Variants in SPATS2 observed in about 807,000 individuals in gnomAD.
The protein encoded by SPATS2 is spermatogenesis-associated serine-rich protein 2.
SPATS2 carries 38 observed loss-of-function variants against 63.7 expected under a neutral mutation model. That is an observed-to-expected ratio of 0.60 (90% CI 0.46 to 0.78). The LOEUF (loss-of-function observed/expected upper bound fraction) is 0.78. Among genes scored for constraint, SPATS2 ranks in the 30% least tolerant of loss-of-function variants. The pLI, the probability that SPATS2 is intolerant of heterozygous loss-of-function variation, is 0.00. For synonymous variants in SPATS2, 207 were observed against 232.9 expected, an observed-to-expected ratio of 0.89 and a Z score of 1.01; for missense variants, 588 against 666.2, an observed-to-expected ratio of 0.88 and a Z score of 1.29.
chr12:49,446,398 A>T (rs1157902780), intron 2 of SPATS2, among the ~76,000 whole-genome samples: 2 of 152,180 alleles, frequency 1.3e-5, no homozygotes, highest in Non-Finnish European at 2.9e-5. Flanking sequence ...CAAGGTTGAA[A>T]CCAAGGCAAG....
chr12:49,476,374 C>A (rs543369979), intron 3 of SPATS2, among the ~76,000 whole-genome samples: 1 of 152,126 alleles, frequency 6.6e-6, no homozygotes, highest in Non-Finnish European at 1.5e-5. Flanking sequence ...CCCCATCTGC[C>A]GAGAGCTACT....
chr12:49,501,799 A>G (rs184229521), intron 9 of SPATS2, among the ~76,000 whole-genome samples: 99 of 152,076 alleles, frequency 6.5e-4, no homozygotes, highest in Non-Finnish European at 1.2e-3. Flanking sequence ...GTGTGTTTTT[A>G]GTAGAGATGG....
At chr12:49,404,039 G>C (rs1944653395) in intron 2 of SPATS2, among the ~76,000 whole-genome samples, 1 of 152,190 alleles carries the variant, frequency 6.6e-6, no homozygotes, top group South Asian at 2.1e-4. Flanking sequence ...ACTAGCACCT[G>C]CTGTGTGCCA....
At chr12:49,407,884 G>T (rs144822566) in intron 2 of SPATS2, among the ~76,000 whole-genome samples, 174 of 152,252 alleles carry the variant, frequency 1.1e-3, no homozygotes, top group African/African-American at 4.0e-3. Context: ...CTTTTGCACC[G>T]CCAACAGCAG....
chr12:49,476,677 C>A (rs1349338829), intron 3 of SPATS2, among the ~76,000 whole-genome samples: 1 of 152,226 alleles, frequency 6.6e-6, no homozygotes, highest in African/African-American at 2.4e-5. Flanking sequence ...GCCACACCCC[C>A]ACTGCATGCC....
intron 2 of SPATS2, among the ~76,000 whole-genome samples, chr12:49,436,756 G>A (rs1462509175): frequency 3.5e-5 from 5 of 142,578 alleles, no homozygotes; most frequent in African/African-American, 5.2e-5. Flanking sequence ...CATCCTTCCC[G>A]GACAGGGCGG....
Position 49,497,029 on chromosome 12 carries a change from G to A in SPATS2, c.703+20G>A. On this transcript the variant is annotated intron_variant, in intron 8 of 13. Coordinates refer to ENST00000552918, the MANE Select transcript of SPATS2 (RefSeq NM_023071.4). ...AGCTAAGTAAGTCAGAGGCCCACCTGTGAGAGAAAATGAAAAATCTGTGTT... is the reference window on the plus strand; with the variant it reads ...AGCTAAGTAAGTCAGAGGCCCACCTATGAGAGAAAATGAAAAATCTGTGTT... 1 of 1,502,042 alleles carries A rather than the reference G, an allele frequency of 6.7e-7. No individual in the cohort carries two copies. The highest frequency in any genetic ancestry group is 8.9e-7 in the Non-Finnish European group (1 of 1,128,222). 93.0% of individuals were successfully genotyped at this position (1,502,042 alleles called of 1,614,324 possible).
At chr12:49,428,127 C>T (rs1325583611) in intron 2 of SPATS2, among the ~76,000 whole-genome samples, 3 of 152,032 alleles carry the variant, frequency 2.0e-5, no homozygotes, top group Admixed American at 6.6e-5. Context: ...CCATGGCAGG[C>T]GCCTGTAGTC....
chr12:49,518,905 AG>A (rs1400957904), intron 10 of SPATS2, among the ~76,000 whole-genome samples, 167 bp from the exon 11 acceptor site: 4 of 152,246 alleles, frequency 2.6e-5, no homozygotes, highest in Non-Finnish European at 4.4e-5. Flanking sequence ...AACTGCCTTC[AG>A]AGACCCAATG....
At chr12:49,391,664 CATG>C (rs1172809519) in intron 2 of SPATS2, among the ~76,000 whole-genome samples, 21 of 152,088 alleles carry the variant, frequency 1.4e-4, no homozygotes, top group African/African-American at 5.1e-4. Context: ...GAGTGTCAAA[CATG>C]ATGAAATATA....
intron 2 of SPATS2, chr12:49,390,067 C>T: frequency 3.5e-6 from 4 of 1,156,934 alleles, no homozygotes; most frequent in Admixed American, 3.4e-5. Flanking sequence ...ATAAATAACT[C>T]GAGAATCACT....
chr12:49,502,539 C>T (rs968475423), intron 9 of SPATS2, among the ~76,000 whole-genome samples: 1 of 152,172 alleles, frequency 6.6e-6, no homozygotes, highest in East Asian at 1.9e-4. Flanking sequence ...CAACCTCCAC[C>T]TCCTGGGCTC....
chr12:49,367,233 C>A, upstream of SPATS2: 1 of 247,604 alleles, frequency 4.0e-6, no homozygotes, highest in Non-Finnish European at 7.7e-6. Context: ...GAGCTTGGCG[C>A]GCCGGATTCG....
intron 11 of SPATS2, among the ~76,000 whole-genome samples, chr12:49,519,535 A>T (rs1338918135): frequency 6.6e-6 from 1 of 152,164 alleles, no homozygotes; most frequent in Non-Finnish European, 1.5e-5. Flanking sequence ...GGTTCTGTTC[A>T]TCCATTCTGT....
intron 6 of SPATS2, among the ~76,000 whole-genome samples, chr12:49,492,136 T>C (rs1057442881): frequency 9.9e-5 from 15 of 152,220 alleles, no homozygotes; most frequent in African/African-American, 3.6e-4. Flanking sequence ...AATATTTGTT[T>C]AACTTCTTCC....
rs574849557 is a variant in SPATS2, at chr12:49,490,082, T to C, written c.214+509T>C. ...CAGATTTATAACATTGAGAAGTGTT[T>C]TATGAACCTTCCTTCCATGTAACCT... On this transcript the variant is annotated intron_variant, in intron 5 of 13. Coordinates refer to ENST00000552918, the MANE Select transcript of SPATS2 (RefSeq NM_023071.4). The C allele has an allele frequency of 2.0e-5, 3 of 153,478 alleles. No individual in the cohort carries two copies. The East Asian group carries it at 5.7e-4, about 29-fold the overall frequency. 9.5% of individuals were successfully genotyped at this position (153,478 alleles called of 1,614,324 possible).
intron 3 of SPATS2, chr12:49,462,618 C>G (rs190769666): frequency 3.4e-6 from 2 of 593,884 alleles, no homozygotes; most frequent in South Asian, 2.0e-5. Flanking sequence ...TGAGGTCACA[C>G]GAATGAATTG....
chr12:49,451,370 A>G (rs774507693), intron 2 of SPATS2, among the ~76,000 whole-genome samples: 19 of 152,120 alleles, frequency 1.2e-4, no homozygotes, highest in Non-Finnish European at 2.4e-4. Flanking sequence ...ATTTAACTAA[A>G]TTAATGCTAA....
At chr12:49,378,076 G>C (rs966732212) in intron 2 of SPATS2, among the ~76,000 whole-genome samples, 1 of 152,056 alleles carries the variant, frequency 6.6e-6, no homozygotes, top group Admixed American at 6.6e-5. Context: ...GGGTTCAAGC[G>C]ATTCCCCTGC....
Sources: gnomAD v4.1 joint callset for allele counts (sites outside exome capture counted in the v4.1 genomes callset) on GRCh38, gnomAD v4.1.1 for gene constraint, MANE v1.5 for transcripts, NCBI Gene and HGNC (gene_info 2026-07-23, HGNC 2026-07-21) for gene names.